ANKRD22: variants seen among roughly 807,000 people sequenced by gnomAD.
The protein encoded by ANKRD22 is ankyrin repeat domain 22, also known as ankyrin repeat domain-containing protein 22.
Under a neutral mutation model 25.7 loss-of-function variants are expected in ANKRD22, and 24 were observed. The observed-to-expected ratio is 0.93, with a 90% CI of 0.68 to 1.31. The LOEUF (loss-of-function observed/expected upper bound fraction) is 1.31. ANKRD22 is among the 50% of genes most tolerant of loss of function. ANKRD22 has a pLI of 0.00. For synonymous variants in ANKRD22, 84 were observed against 84.3 expected (o/e 1.00, Z 0.02); for missense variants, 214 against 227.1 (o/e 0.94, Z 0.37).
rs535305286 is a variant in ANKRD22, at chr10:88,828,486, G to A, written c.321+73C>T. On this transcript the variant is annotated intron_variant, in intron 3 of 5. Transcript: ENST00000371930. Reference sequence around the variant, plus strand: ...TTTTATTTCTTTTCAACATCTCACTGGCCTGGCAAGAGTCAATGAGTCACA... The same window carrying A: ...TTTTATTTCTTTTCAACATCTCACTAGCCTGGCAAGAGTCAATGAGTCACA... The A allele has an allele frequency of 2.4e-4, 266 of 1,127,758 alleles. 2 individuals carry two copies. The South Asian group carries it at 2.6e-3, about 11-fold the overall frequency. The allele number at this position is 1,127,758 out of a possible 1,614,324, so 69.9% of individuals were successfully genotyped here.
At chr10:88,847,340 C>A (rs1386087651) in intron 1 of ANKRD22, among the ~76,000 whole-genome samples, 1 of 152,120 alleles carries the variant, frequency 6.6e-6, no homozygotes, top group Non-Finnish European at 1.5e-5. Context: ...CTCACTACAA[C>A]CTCTGCCTCC....
intron 1 of ANKRD22, among the ~76,000 whole-genome samples, chr10:88,848,315 G>T (rs369795062): frequency 3.3e-5 from 5 of 151,530 alleles, no homozygotes; most frequent in African/African-American, 7.3e-5. Flanking sequence ...AATAAATAAA[G>T]GTATACACAT....
chr10:88,848,851 G>T (rs1008642692), intron 1 of ANKRD22, among the ~76,000 whole-genome samples: 2 of 152,104 alleles, frequency 1.3e-5, no homozygotes, highest in African/African-American at 4.8e-5. Context: ...AATAAAACTT[G>T]CTTGATCTAA....
rs537320209 is a variant in ANKRD22, at chr10:88,821,747, T to C, written c.*1194A>G. On this transcript the variant is annotated 3_prime_UTR_variant, in exon 6 of 6. Transcript: ENST00000371930. ...AAATCTTTCATTCTTATACTGTACT[T>C]GTTACCACATACAAAGAGGCTGGCT... 1.3e-5 allele frequency among the ~76,000 whole-genome samples: 2 copies of C among 152,352 alleles called. No individual in the cohort carries two copies. The highest frequency in any genetic ancestry group is 6.5e-5 in the Admixed American group (1 of 15,304).
At chr10:88,833,227 C>G (rs758857775) in intron 1 of ANKRD22, among the ~76,000 whole-genome samples, 2 of 151,644 alleles carry the variant, frequency 1.3e-5, no homozygotes, top group Non-Finnish European at 2.9e-5. Context: ...GGGAGGCAAA[C>G]ACTGAATATT....
At chr10:88,832,084 ACG>A in intron 1 of ANKRD22, 58 bp from the exon 2 acceptor site, 1 of 1,495,228 alleles carries the variant, frequency 6.7e-7, no homozygotes, top group Admixed American at 2.3e-5. Context: ...AACCACAAAA[ACG>A]AAAAAAAAGT....
intron 1 of ANKRD22, among the ~76,000 whole-genome samples, chr10:88,839,597 T>C (rs754751772): frequency 3.9e-5 from 6 of 152,164 alleles, no homozygotes; most frequent in African/African-American, 1.2e-4. Flanking sequence ...AAGCAGCTCA[T>C]TGGCCTTAAA....
rs774495976 is a variant in ANKRD22 at position 88,828,675 on chromosome 10, T to A, written c.214-9A>T. 4.5e-6 allele frequency: 7 copies of A among 1,548,524 alleles called. No individual in the cohort carries two copies. In the South Asian group the frequency reaches 5.9e-5, roughly 13 times the overall value. On this transcript the variant is annotated splice_polypyrimidine_tract_variant and intron_variant, in intron 2 of 5. Coordinates refer to ENST00000371930, the MANE Select transcript of ANKRD22 (RefSeq NM_144590.3). ...AAGCAGGTTCTCTCTTTCTAAAAAT[T>A]AAGAAAAGGATTCTTTACTAATAAA...
At chr10:88,824,374 A>C (rs771186423) in intron 4 of ANKRD22, among the ~76,000 whole-genome samples, 37 of 152,224 alleles carry the variant, frequency 2.4e-4, no homozygotes, top group Non-Finnish European at 4.0e-4. Flanking sequence ...TTAGCTCTGG[A>C]TCCCATTCCC....
rs776262103 is a variant in ANKRD22, at chr10:88,831,970, T to C, written c.78A>G (p.Lys26=). 1 of 1,613,860 alleles carries C rather than the reference T, an allele frequency of 6.2e-7. No individual in the cohort carries two copies. ...NDFGQVWRWV[K]EDSSYANVQD... ...GAACGTTGGCATAGCTGCTGTCTTCTTTCACCCACCGCCACACTTGTCCAA... is the reference window on the plus strand; with the variant it reads ...GAACGTTGGCATAGCTGCTGTCTTCCTTCACCCACCGCCACACTTGTCCAA... Residue 26 remains lysine, a synonymous_variant, in exon 2 of 6, where the codon AAA becomes AAG. Coordinates refer to ENST00000371930, the MANE Select transcript of ANKRD22 (RefSeq NM_144590.3).
chr10:88,851,443 G>A (rs757395945), intron 1 of ANKRD22, 144 bp downstream of exon 1: 9 of 759,578 alleles, frequency 1.2e-5, no homozygotes, highest in Non-Finnish European at 1.8e-5. Context: ...TAACACATAG[G>A]ACTTTATTTT....
Position 88,843,277 on chromosome 10 carries a change from G to A in ANKRD22, c.21+8310C>T, listed in dbSNP as rs368975900. Among the ~76,000 whole-genome samples, 22 of 152,186 alleles carry A rather than the reference G, an allele frequency of 1.4e-4. No homozygotes were observed. In the South Asian group the frequency reaches 3.7e-3, roughly 26 times the overall value. On this transcript the variant is annotated intron_variant, in intron 1 of 5. Coordinates refer to ENST00000371930, the MANE Select transcript of ANKRD22 (RefSeq NM_144590.3). ...TTCTCATTCACATATATAGAAACGG[G>A]AAGTCCTGAGGTTGCTGAAAGACCT...
At chr10:88,842,719 G>T (rs1336195411) in intron 1 of ANKRD22, among the ~76,000 whole-genome samples, 1 of 152,100 alleles carries the variant, frequency 6.6e-6, no homozygotes, top group Non-Finnish European at 1.5e-5. Flanking sequence ...AAAGAATTTG[G>T]ATTAGAGGAC....
intron 1 of ANKRD22, among the ~76,000 whole-genome samples, chr10:88,849,775 G>A (rs1385954961): frequency 6.6e-6 from 1 of 152,076 alleles, no homozygotes; most frequent in Non-Finnish European, 1.5e-5. Context: ...TTGTTTAAAA[G>A]TCCATCTTAC....
chr10:88,820,672 T>C lies in ANKRD22; in HGVS notation c.*2269A>G, dbSNP rs948408480. On this transcript the variant is annotated 3_prime_UTR_variant, in exon 6 of 6. Transcript: ENST00000371930. The stretch of plus-strand genomic sequence containing the variant: ...TTTTTTCTGTAAATTAAAGTACTTA[T>C]TAGGTAAATAGAGGTTTTGTATGCT... The C allele has an allele frequency of 5.7e-5, 37 of 654,582 alleles. No homozygotes were observed. The highest frequency in any genetic ancestry group is 8.7e-5 in the Non-Finnish European group (34 of 392,022). 40.5% of individuals were successfully genotyped at this position (654,582 alleles called of 1,614,324 possible).
At chr10:88,849,151 A>C (rs1389883848) in intron 1 of ANKRD22, among the ~76,000 whole-genome samples, 2 of 152,142 alleles carry the variant, frequency 1.3e-5, no homozygotes, top group Admixed American at 6.6e-5. Context: ...GCAACTGAAG[A>C]GACCAAAAGT....
chr10:88,833,620 T>C (rs943964279), intron 1 of ANKRD22, among the ~76,000 whole-genome samples: 4 of 152,196 alleles, frequency 2.6e-5, no homozygotes, highest in Non-Finnish European at 5.9e-5. Flanking sequence ...AACTATGTTA[T>C]ACTCTTAAAC....
intron 1 of ANKRD22, among the ~76,000 whole-genome samples, chr10:88,838,127 C>T (rs368890996): frequency 6.6e-6 from 1 of 152,066 alleles, no homozygotes; most frequent in African/African-American, 2.4e-5. Flanking sequence ...TTTGGACCAT[C>T]GTAATTAAAA....
rs2304805 is a variant in ANKRD22 at position 88,832,120 on chromosome 10, A to T, written c.22-94T>A. On this transcript the variant is annotated intron_variant, in intron 1 of 5. Coordinates refer to ENST00000371930, the MANE Select transcript of ANKRD22 (RefSeq NM_144590.3). Reference sequence around the variant, plus strand: ...GTCATAACCCAATACATTAAAATTTAAATGTTTTAAAATTGTAATATATTG... The same window carrying T: ...GTCATAACCCAATACATTAAAATTTTAATGTTTTAAAATTGTAATATATTG... 1.1e-4 allele frequency: 139 copies of T among 1,297,552 alleles called. No individual in the cohort carries two copies. In the East Asian group the frequency reaches 2.3e-3, roughly 21 times the overall value. 80.4% of individuals were successfully genotyped at this position (1,297,552 alleles called of 1,614,324 possible).
Sources: allele counts gnomAD v4.1 joint callset (sites outside exome capture counted in the v4.1 genomes callset), GRCh38; gene constraint gnomAD v4.1.1; transcripts MANE v1.5; gene names NCBI Gene and HGNC (gene_info 2026-07-23, HGNC 2026-07-21).